The following CEP55 variants were observed in gnomAD, a reference collection of about 807,000 sequenced individuals.
CEP55 encodes the protein centrosomal protein of 55 kDa.
Under a neutral mutation model 63.2 loss-of-function variants are expected in CEP55, and 57 were observed. That is an observed-to-expected ratio of 0.90 (90% CI 0.73 to 1.13). CEP55 has a LOEUF of 1.13. CEP55 is among the 50% of genes most tolerant of loss of function. CEP55 has a pLI of 0.00. For missense variants in CEP55, 456 were observed against 518.9 expected (o/e 0.88, Z 1.18); for synonymous variants, 178 against 191.6 (o/e 0.93, Z 0.59).
intron 4 of CEP55, among the ~76,000 whole-genome samples, chr10:93,512,438 C>T (rs183774454): frequency 4.0e-5 from 6 of 149,456 alleles, no homozygotes; most frequent in East Asian, 2.0e-4. Flanking sequence ...CGCTTGAACC[C>T]GGGAGGTGGA....
Position 93,507,031 on chromosome 10 carries a change from A to G in CEP55, c.503A>G (p.His168Arg). The change falls in exon 4 of 9, where the codon CAT becomes CGT. Residue 168 changes from histidine to arginine, a missense_variant. His to Arg is a conservative substitution (Grantham distance 29, BLOSUM62 0). Transcript: ENST00000371485. Reference protein sequence around the residue: ...NCFNSSINNIHEMEIQLKDAL... With the variant: ...NCFNSSINNIREMEIQLKDAL... ...TTCAACTCATCAATAAATAATATTC[A>G]TGAAATGGAAATACAGCTGAAAGAT... 2 of 1,583,824 alleles carry G rather than the reference A, an allele frequency of 1.3e-6. No individual in the cohort carries two copies. Among genetic ancestry groups the G allele is most frequent in the Non-Finnish European group, 1.7e-6 (2 of 1,153,214 alleles).
In CEP55 at chr10:93,528,793, T is replaced by C. The variant is rs1290615586; in HGVS notation, c.*640T>C. On this transcript the variant is annotated 3_prime_UTR_variant, in exon 9 of 9. Coordinates refer to ENST00000371485, the MANE Select transcript of CEP55 (RefSeq NM_018131.5). The stretch of plus-strand genomic sequence containing the variant: ...TTAAGTGGCCACACACAATGTTTTC[T>C]CTTATGTTATCTGGCAGTAACTGTA... The C allele has an allele frequency of 6.6e-6, 1 of 152,272 alleles. No individual in the cohort carries two copies. The highest frequency in any genetic ancestry group is 2.4e-5 in the African/African-American group (1 of 41,448). The allele number at this position is 152,272 out of a possible 1,614,324, so 9.4% of individuals were successfully genotyped here. A position where few individuals can be genotyped will look rare whatever the true frequency, so the allele number is the denominator to read the frequency against.
At chr10:93,507,465 G>C (rs2134465718) in intron 4 of CEP55, among the ~76,000 whole-genome samples, 1 of 151,794 alleles carries the variant, frequency 6.6e-6, no homozygotes, top group South Asian at 2.1e-4. Flanking sequence ...CAAGTGATCT[G>C]CCCACCTCAG....
At chr10:93,526,412 A>C (rs1244940048) in intron 8 of CEP55, among the ~76,000 whole-genome samples, 3 of 151,770 alleles carry the variant, frequency 2.0e-5, no homozygotes, top group Non-Finnish European at 4.4e-5. Flanking sequence ...TTAGAATGGC[A>C]ATCATTAAAA....
intron 2 of CEP55, among the ~76,000 whole-genome samples, chr10:93,502,000 A>T (rs1337144306): frequency 6.6e-6 from 1 of 152,216 alleles, no homozygotes; most frequent in African/African-American, 2.4e-5. Context: ...GTGCCTATTA[A>T]AGTTACACAG....
chr10:93,519,396 C>T (rs1036760353), intron 7 of CEP55, among the ~76,000 whole-genome samples: 5 of 152,212 alleles, frequency 3.3e-5, no homozygotes, highest in Admixed American at 6.5e-5. Flanking sequence ...CCTTCTCCTT[C>T]TTCCCCCTTA....
At position 93,519,931 on chromosome 10, in the gene CEP55, C is replaced by A. The variant is rs949322175; in HGVS notation, c.1191+124C>A. ...CTGTATCTCAAATCAGTAGGTAGAG[C>A]CTCTGCCTCATTTGAAGCAACTGCC... On this transcript the variant is annotated intron_variant, in intron 8 of 8. Transcript: ENST00000371485. 9.6e-6 allele frequency: 10 copies of A among 1,040,522 alleles called. No individual in the cohort carries two copies. The African/African-American group carries it at 1.3e-4, about 13-fold the overall frequency. The allele number at this position is 1,040,522 out of a possible 1,614,324, so 64.5% of individuals were successfully genotyped here. A position where few individuals can be genotyped will look rare whatever the true frequency, so the allele number is the denominator to read the frequency against.
In CEP55 at chr10:93,516,966, C is replaced by A. The variant is rs774542872; in HGVS notation, c.711C>A (p.Tyr237Ter). 5.0e-6 allele frequency: 8 copies of A among 1,593,430 alleles called. No individual in the cohort carries two copies. Among genetic ancestry groups the A allele is most frequent in the Non-Finnish European group, 6.9e-6 (8 of 1,166,450 alleles). The part of the protein sequence containing the change: ...GYLQEEKQKC[Y>*]NDLLASAKKD... ...TTCAAGAAGAGAAGCAGAAATGTTA[C>A]AACGATCTCTTGGCAAGTGCAAAAA... The change falls in exon 6 of 9, where the codon TAC becomes TAA. Residue 237 changes from tyrosine to a stop codon, truncating the protein, a stop_gained. Coordinates refer to ENST00000371485, the MANE Select transcript of CEP55 (RefSeq NM_018131.5). LOFTEE classifies it high-confidence loss of function.
At chr10:93,516,432 A>G (rs1213712488) in intron 5 of CEP55, among the ~76,000 whole-genome samples, 1 of 151,918 alleles carries the variant, frequency 6.6e-6, no homozygotes, top group Non-Finnish European at 1.5e-5. Flanking sequence ...GCTAAGTCTA[A>G]TTTCTTTTCT....
chr10:93,511,704 G>A (rs776653464), intron 4 of CEP55, among the ~76,000 whole-genome samples: 1 of 152,044 alleles, frequency 6.6e-6, no homozygotes, highest in Non-Finnish European at 1.5e-5. Flanking sequence ...CTGGGCTCAA[G>A]TGATTCTCTT....
intron 5 of CEP55, among the ~76,000 whole-genome samples, chr10:93,516,694 C>T (rs954704267): frequency 1.3e-5 from 2 of 152,158 alleles, no homozygotes; most frequent in Non-Finnish European, 2.9e-5. Context: ...TTGAGACTTT[C>T]CCTCCCAACA....
chr10:93,509,632 C>T (rs144692009), intron 4 of CEP55, among the ~76,000 whole-genome samples: 1,735 of 152,158 alleles, frequency 0.011, 28 homozygotes, highest in African/African-American at 0.037. Flanking sequence ...ATTACAGGTG[C>T]GTGCCACCAT....
intron 4 of CEP55, among the ~76,000 whole-genome samples, chr10:93,513,473 G>A (rs985501622): frequency 6.6e-6 from 1 of 152,190 alleles, no homozygotes; most frequent in Non-Finnish European, 1.5e-5. Context: ...GAAAGCAGTT[G>A]CCCTGATAGA....
chr10:93,510,766 A>G (rs1361046658), intron 4 of CEP55: 3 of 152,182 alleles, frequency 2.0e-5, no homozygotes, highest in African/African-American at 7.2e-5. Context: ...ACATGGATAC[A>G]ATACTTCTAT....
intron 3 of CEP55, among the ~76,000 whole-genome samples, chr10:93,506,762 T>A (rs2134464399): frequency 6.6e-6 from 1 of 152,270 alleles, no homozygotes; most frequent in African/African-American, 2.4e-5. Flanking sequence ...TTAGTAGAGA[T>A]GGGTTTTCGC....
chr10:93,517,197 T>C lies in CEP55; in HGVS notation c.942T>C (p.Ala314=). Residue 314 remains alanine, a synonymous_variant, in exon 6 of 9, where the codon GCT becomes GCC. Transcript: ENST00000371485. ...IQKLREENDI[A]RGKLEEEKKR... The stretch of plus-strand genomic sequence containing the variant: ...AACTCAGGGAAGAGAATGATATTGC[T>C]AGGGGAAAACTTGAAGAAGAGAAGA... 6.2e-7 allele frequency: 1 copy of C among 1,610,786 alleles called. No individual in the cohort carries two copies. Among genetic ancestry groups the C allele is most frequent in the Non-Finnish European group, 8.5e-7 (1 of 1,178,664 alleles).
Position 93,515,517 on chromosome 10 carries a change from A to G in CEP55, c.641A>G (p.His214Arg), listed in dbSNP as rs143356116. 2.7e-4 allele frequency: 440 copies of G among 1,613,906 alleles called. 2 individuals are homozygous for G. In the Middle Eastern group the frequency reaches 3.6e-3, roughly 13 times the overall value. ...ELEKKTETAA[H>R]SLPQQTKKPE... is the part of the protein sequence containing the mutation. ...GAAAAGAAAACGGAAACAGCTGCTC[A>G]TTCACTCCCACAGCAGACAAAAAAG... The change falls in exon 5 of 9, where the codon CAT becomes CGT. Residue 214 changes from histidine to arginine, a missense_variant. By Grantham distance (29) the His-to-Arg change is conservative. Transcript: ENST00000371485.
intron 2 of CEP55, among the ~76,000 whole-genome samples, chr10:93,501,632 A>T (rs1347672374): frequency 6.6e-6 from 1 of 152,074 alleles, no homozygotes; most frequent in Non-Finnish European, 1.5e-5. Flanking sequence ...GCACCACTGC[A>T]CTCCAGCCTG....
intron 3 of CEP55, among the ~76,000 whole-genome samples, chr10:93,504,264 G>C (rs2057665221): frequency 6.6e-6 from 1 of 152,166 alleles, no homozygotes; most frequent in Non-Finnish European, 1.5e-5. Context: ...CCTGGGGTCA[G>C]GAGTTTGAGA....
Sources: gnomAD v4.1 joint callset for allele counts (sites outside exome capture counted in the v4.1 genomes callset) on GRCh38, gnomAD v4.1.1 for gene constraint, MANE v1.5 for transcripts, NCBI Gene and HGNC (gene_info 2026-07-23, HGNC 2026-07-21) for gene names.